The following METTL21A variants were observed in gnomAD, a reference collection of about 807,000 sequenced individuals.
METTL21A encodes protein N-lysine methyltransferase METTL21A.
METTL21A carries 22 observed loss-of-function variants against 20.9 expected under a neutral mutation model. That is an observed-to-expected ratio of 1.05 (90% confidence interval 0.75 to 1.50). The LOEUF (loss-of-function observed/expected upper bound fraction) is 1.50. Among genes scored for constraint, METTL21A ranks in the 40% most tolerant of loss-of-function variants. The probability of loss-of-function intolerance (pLI) is 0.00; values close to 1 mark genes in which losing one functional copy is unlikely to be tolerated. For missense variants in METTL21A, 271 were observed against 266.8 expected, an observed-to-expected ratio of 1.02 and a Z score of -0.11; for synonymous variants, 93 against 102.0, an observed-to-expected ratio of 0.91 and a Z score of 0.53.
At chr2:207,595,287 C>T (rs1188644540) in intron 3 of METTL21A, among the ~76,000 whole-genome samples, 1 of 152,092 alleles carries the variant, frequency 6.6e-6, no homozygotes, top group Non-Finnish European at 1.5e-5. Flanking sequence ...AGCCACCGCA[C>T]CCAGCCTATA....
downstream of METTL21A, among the ~76,000 whole-genome samples, chr2:207,605,284 G>A (rs1388816273): frequency 6.6e-6 from 1 of 152,092 alleles, no homozygotes; most frequent in Non-Finnish European, 1.5e-5. Context: ...TCTCATTGTG[G>A]TTTTGATTTG....
At chr2:207,590,616 G>A (rs997065734) in intron 3 of METTL21A, among the ~76,000 whole-genome samples, 2 of 151,804 alleles carry the variant, frequency 1.3e-5, no homozygotes, top group African/African-American at 4.8e-5. Context: ...AGTTTCTTAA[G>A]ACAATAGTTG....
intron 3 of METTL21A, among the ~76,000 whole-genome samples, chr2:207,617,747 AAGAGTGATGTGATCATGCAGGCAGGTGAC>A (rs1406908575): frequency 6.6e-6 from 1 of 152,226 alleles, no homozygotes; most frequent in African/African-American, 2.4e-5. Context: ...GGCCAGGTGG[AAGAGTGATGTGATCATGCAGGCAGGTGAC>A]AGATGATGAG....
chr2:207,604,290 C>G (rs895944037), downstream of METTL21A, among the ~76,000 whole-genome samples: 1 of 152,204 alleles, frequency 6.6e-6, no homozygotes, highest in African/African-American at 2.4e-5. Flanking sequence ...GAAGACTTAA[C>G]ATATGTCTTT....
In METTL21A at chr2:207,622,293, C is replaced by G. The variant is rs536607060; in HGVS notation, c.148-376G>C. Among the ~76,000 whole-genome samples, 115 of 152,062 alleles carry G rather than the reference C, an allele frequency of 7.6e-4. 1 individual carries two copies. The highest frequency in any genetic ancestry group is 6.7e-3 in the Admixed American group (102 of 15,274). On this transcript the variant is annotated intron_variant, in intron 2 of 3. Coordinates refer to ENST00000406927, the Ensembl canonical transcript of METTL21A. ...AAGCGATTCTCCCACCTCAGCACCC[C>G]CAGTAACTGGGACACAGGCGTGCAC...
intron 3 of METTL21A, chr2:207,597,593 T>C (rs1333532915): frequency 2.9e-5 from 6 of 208,750 alleles, no homozygotes; most frequent in Non-Finnish European, 5.9e-5. Context: ...AAAAGAACTT[T>C]AGCATGGTAT....
downstream of METTL21A, chr2:207,581,245 C>T (rs144780130): frequency 1.1e-3 from 214 of 202,216 alleles, no homozygotes; most frequent in African/African-American, 4.5e-3. Flanking sequence ...TATAAATAGG[C>T]AGATTCTTAG....
At chr2:207,602,499 G>C (rs1022347389) in intron 3 of METTL21A, 1 of 205,808 alleles carries the variant, frequency 4.9e-6, no homozygotes, top group Non-Finnish European at 9.9e-6. Context: ...CTTGCCTATA[G>C]AAGTATGGCA....
At chr2:207,604,369 T>C (rs775332929), downstream of METTL21A, among the ~76,000 whole-genome samples, 32 of 152,206 alleles carry the variant, frequency 2.1e-4, no homozygotes, top group Non-Finnish European at 2.9e-4. Flanking sequence ...CTTCCGCTGG[T>C]TTTTCCATCT....
chr2:207,607,743 G>A (rs1205935270), downstream of METTL21A, among the ~76,000 whole-genome samples: 2 of 137,294 alleles, frequency 1.5e-5, no homozygotes, highest in Admixed American at 8.0e-5. Context: ...GGAAAAATTA[G>A]TGATACCACT....
At chr2:207,587,858 T>C (rs1233314069) in intron 3 of METTL21A, among the ~76,000 whole-genome samples, 2 of 152,184 alleles carry the variant, frequency 1.3e-5, no homozygotes, top group African/African-American at 4.8e-5. Flanking sequence ...TCTAGGTTGG[T>C]AGAATGATTT....
chr2:207,589,867 G>A, intron 3 of METTL21A, among the ~76,000 whole-genome samples: 1 of 152,088 alleles, frequency 6.6e-6, no homozygotes, highest in East Asian at 1.9e-4. Context: ...TTTTGTTGAG[G>A]ATTTTTATGT....
downstream of METTL21A, chr2:207,581,256 A>C (rs1559055514): frequency 5.0e-6 from 1 of 201,070 alleles, no homozygotes; most frequent in Non-Finnish European, 1.0e-5. Flanking sequence ...AGATTCTTAG[A>C]AAATGGATAG....
chr2:207,603,224 A>G (rs979063593), intron 3 of METTL21A: 2 of 218,458 alleles, frequency 9.2e-6, no homozygotes, highest in Non-Finnish European at 1.8e-5. Context: ...CTGAGTTACA[A>G]TGCATTTTAT....
intron 3 of METTL21A, chr2:207,603,472 T>G (rs968921146): frequency 1.3e-5 from 3 of 225,474 alleles, no homozygotes; most frequent in Non-Finnish European, 2.6e-5. Context: ...TATATTTTGT[T>G]GGGTTTTTTT....
chr2:207,592,462 A>C (rs540079963), intron 3 of METTL21A, among the ~76,000 whole-genome samples: 1 of 152,074 alleles, frequency 6.6e-6, no homozygotes, highest in South Asian at 2.1e-4. Context: ...TCTGACAAGA[A>C]ATCTGTGTGT....
chr2:207,598,303 G>A (rs2086498862), intron 3 of METTL21A: 1 of 183,084 alleles, frequency 5.5e-6, no homozygotes, highest in African/African-American at 2.4e-5. Context: ...TTGTTCTCTT[G>A]TAAAAAGAGT....
chr2:207,608,664 G>A (rs983944804), downstream of METTL21A, among the ~76,000 whole-genome samples: 7 of 152,172 alleles, frequency 4.6e-5, no homozygotes, highest in Admixed American at 2.6e-4. Context: ...GGGCGCGGTG[G>A]CTCACGCCTG....
At chr2:207,622,272 G>A (rs1048894825) in intron 2 of METTL21A, among the ~76,000 whole-genome samples, 18 of 149,994 alleles carry the variant, frequency 1.2e-4, no homozygotes, top group Non-Finnish European at 2.2e-4. Context: ...AAGCTCAAGC[G>A]ATTCTCCCAC....
Sources: gnomAD v4.1 joint callset for allele counts (sites outside exome capture counted in the v4.1 genomes callset) on GRCh38, gnomAD v4.1.1 for gene constraint, MANE v1.5 for transcripts, NCBI Gene and HGNC (gene_info 2026-07-23, HGNC 2026-07-21) for gene names.